Variants in COL12A1 observed in about 807,000 individuals in gnomAD.
COL12A1 encodes collagen alpha-1(XII) chain.
In COL12A1, 114 loss-of-function variants were observed where a neutral mutation model predicts 349.7. That is an observed-to-expected ratio of 0.33 (90% confidence interval 0.28 to 0.38). The LOEUF (loss-of-function observed/expected upper bound fraction) is 0.38, where lower values mean the gene tolerates loss of function less well. Ranked by LOEUF, COL12A1 falls within the 10% of genes least tolerant of loss-of-function variation. The pLI, the probability that COL12A1 is intolerant of heterozygous loss-of-function variation, is 1.00. For missense variants in COL12A1, 3,284 were observed against 3,756.9 expected (o/e 0.87, Z 3.29); for synonymous variants, 1,369 against 1,329.0 (o/e 1.03, Z -0.66).
chr6:75,165,228 T>A (rs1355483993), intron 14 of COL12A1, among the ~76,000 whole-genome samples: 1 of 152,092 alleles, frequency 6.6e-6, no homozygotes, highest in Admixed American at 6.5e-5. Context: ...GCTTCTGGTC[T>A]TTTTACTAGT....
At chr6:75,101,032 A>G (rs1358950392) in intron 58 of COL12A1, among the ~76,000 whole-genome samples, 1 of 152,152 alleles carries the variant, frequency 6.6e-6, no homozygotes, top group East Asian at 1.9e-4. Context: ...AACTTATCCT[A>G]GAGAAGACTG....
At chr6:75,148,728 T>A (rs1055217365) in intron 21 of COL12A1, among the ~76,000 whole-genome samples, 2 of 152,144 alleles carry the variant, frequency 1.3e-5, no homozygotes, top group African/African-American at 2.4e-5. Flanking sequence ...ATGAGCTCAT[T>A]GTCTTTCCTT....
chr6:75,172,368 A>T (rs1768681437), intron 13 of COL12A1, among the ~76,000 whole-genome samples: 1 of 152,186 alleles, frequency 6.6e-6, no homozygotes, highest in African/African-American at 2.4e-5. Flanking sequence ...TACTGAGCAT[A>T]AATATATTTT....
chr6:75,134,526 G>A (rs566347144), intron 32 of COL12A1, among the ~76,000 whole-genome samples, 200 bp downstream of exon 32: 8 of 151,918 alleles, frequency 5.3e-5, no homozygotes, highest in Admixed American at 1.3e-4. Flanking sequence ...AGCCAAGATC[G>A]TGCCACTGCA....
Position 75,183,030 on chromosome 6 carries a change from T to C in COL12A1, c.1891+20A>G. 1 of 1,558,456 alleles carries C rather than the reference T, an allele frequency of 6.4e-7. No homozygotes were observed. Among genetic ancestry groups the C allele is most frequent in the Non-Finnish European group, 8.6e-7 (1 of 1,156,652 alleles). On this transcript the variant is annotated intron_variant, in intron 10 of 65. Transcript: ENST00000322507. ...TCTTTGTTCATGAAGAAATAACTTT[T>C]ACTCTCAAAGTCTACTAACCTTTCT...
At chr6:75,110,656 G>C (rs1361453166) in intron 51 of COL12A1, among the ~76,000 whole-genome samples, 1 of 151,922 alleles carries the variant, frequency 6.6e-6, no homozygotes, top group East Asian at 1.9e-4. Context: ...TTCAACAATA[G>C]AAGGGAGACA....
chr6:75,142,846 T>G (rs918834178), intron 26 of COL12A1, among the ~76,000 whole-genome samples: 5 of 152,212 alleles, frequency 3.3e-5, no homozygotes, highest in African/African-American at 1.2e-4. Flanking sequence ...CCTTCTCTAG[T>G]GTCCTATCTT....
At chr6:75,169,181 G>A (rs1243118301) in intron 13 of COL12A1, among the ~76,000 whole-genome samples, 2 of 152,132 alleles carry the variant, frequency 1.3e-5, no homozygotes, top group Non-Finnish European at 2.9e-5. Flanking sequence ...CATTTACTTG[G>A]TTCAATACAT....
chr6:75,143,378 G>T lies in COL12A1; in HGVS notation c.4701C>A (p.Pro1567=), dbSNP rs17791238. 29 of 1,613,180 alleles carry T rather than the reference G, an allele frequency of 1.8e-5. No individual in the cohort carries two copies. In the African/African-American group the frequency reaches 3.1e-4, roughly 17 times the overall value. The part of the protein sequence containing the change: ...VTVREVTLPL[P]RPQDLKLRDV... ...CTCTGAGTTTCAGATCCTGAGGTCTGGGTAAAGGCACTAGAGAAGCACGAG... is the reference window on the plus strand; with the variant it reads ...CTCTGAGTTTCAGATCCTGAGGTCTTGGTAAAGGCACTAGAGAAGCACGAG... Residue 1567 remains proline, a synonymous_variant, in exon 26 of 66, where the codon CCC becomes CCA. Transcript: ENST00000322507.
intron 17 of COL12A1, among the ~76,000 whole-genome samples, 158 bp downstream of exon 17, chr6:75,154,258 G>C (rs1767639454): frequency 6.6e-6 from 1 of 151,924 alleles, no homozygotes; most frequent in Non-Finnish European, 1.5e-5. Flanking sequence ...TGCTTGACTG[G>C]ATGTTTGAAG....
chr6:75,102,376 A>G (rs1768345481), intron 56 of COL12A1, among the ~76,000 whole-genome samples: 1 of 152,176 alleles, frequency 6.6e-6, no homozygotes. Flanking sequence ...AATGTTTAAT[A>G]AAGTCAAATA....
In COL12A1 at chr6:75,132,026, C is replaced by T. The variant is rs771175230; in HGVS notation, c.5851G>A (p.Asp1951Asn). The T allele has an allele frequency of 2.0e-5, 32 of 1,614,030 alleles. No homozygotes were observed. In the South Asian group the frequency reaches 2.2e-4, roughly 11 times the overall value. ...CCTGGAGCAGGGTCCCAGCGAACAT[C>T]GAGGCTGTTAGGTGTAGGATTGTAT... ...QVYNPTPNSL[D>N]VRWDPAPGPV... Residue 1951 changes from aspartate to asparagine, a missense_variant, in exon 35 of 66, where the codon GAT becomes AAT. Asp to Asn is a conservative substitution (Grantham distance 23). This residue lies in a region of COL12A1 where 2,601 missense variants were observed against 2,824.8 expected (regional missense o/e 0.92). Coordinates refer to ENST00000322507, the MANE Select transcript of COL12A1 (RefSeq NM_004370.6).
intron 21 of COL12A1, among the ~76,000 whole-genome samples, chr6:75,149,657 G>A (rs988382452): frequency 5.9e-5 from 9 of 152,064 alleles, no homozygotes; most frequent in Non-Finnish European, 1.2e-4. Flanking sequence ...CATAAGCATG[G>A]CAAATCATTC....
rs1326006851 is a variant in COL12A1 at position 75,175,150 on chromosome 6, G to T, written c.2598C>A (p.Thr866=). The change falls in exon 13 of 66, where the codon ACC becomes ACA. Residue 866 remains threonine (T), a synonymous_variant. Coordinates refer to ENST00000322507, the MANE Select transcript of COL12A1 (RefSeq NM_004370.6). ...TQEVTVRGDT[T]NTVLQGLKEG... is the part of the protein sequence containing the mutation. Reference sequence around the variant, plus strand: ...CCTTCAATCCCTGCAGCACCGTATTGGTTGTATCTCCCCTCACAGTGACCT... The same window carrying T: ...CCTTCAATCCCTGCAGCACCGTATTTGTTGTATCTCCCCTCACAGTGACCT... 1 of 1,614,138 alleles carries T rather than the reference G, an allele frequency of 6.2e-7. No homozygotes were observed. Among genetic ancestry groups the T allele is most frequent in the East Asian group, 2.2e-5 (1 of 44,876 alleles).
chr6:75,126,724 C>G (rs1766035925), intron 38 of COL12A1, among the ~76,000 whole-genome samples: 2 of 152,102 alleles, frequency 1.3e-5, no homozygotes, highest in Non-Finnish European at 2.9e-5. Flanking sequence ...GAAGCAGTAT[C>G]CAGAGCGGAA....
rs1341256371 is a variant in COL12A1 at position 75,189,539 on chromosome 6, C to A, written c.658+13G>T. On this transcript the variant is annotated intron_variant, in intron 6 of 65. Transcript: ENST00000322507. The stretch of plus-strand genomic sequence containing the variant: ...CATTTATTTTTAACTTTAAAAAAAT[C>A]TGTAGAACATACCTGTCATTGTGTT... The A allele has an allele frequency of 4.4e-6, 7 of 1,604,546 alleles. No individual in the cohort carries two copies. In the South Asian group the frequency reaches 4.5e-5, roughly 10 times the overall value.
At chr6:75,101,825 T>C in intron 57 of COL12A1, 172 bp from the exon 58 acceptor site, 3 of 952,666 alleles carry the variant, frequency 3.1e-6, no homozygotes, top group South Asian at 1.6e-5. Context: ...AACAAGCAGA[T>C]ACCTGAATTG....
At chr6:75,198,295 T>G (rs1770335397) in intron 2 of COL12A1, among the ~76,000 whole-genome samples, 1 of 152,104 alleles carries the variant, frequency 6.6e-6, no homozygotes, top group African/African-American at 2.4e-5. Context: ...TATAAATCAC[T>G]CCCACATGCT....
intron 44 of COL12A1, among the ~76,000 whole-genome samples, chr6:75,120,793 A>G (rs1769318620): frequency 2.0e-5 from 3 of 152,336 alleles, no homozygotes; most frequent in Middle Eastern, 6.8e-3. Flanking sequence ...TCAGAGCAAG[A>G]TAATTGGTAG....
Sources: gnomAD v4.1 joint callset for allele counts (sites outside exome capture counted in the v4.1 genomes callset) on GRCh38, gnomAD v4.1.1 for gene constraint, gnomAD v4.1.1 regional missense constraint, MANE v1.5 for transcripts, NCBI Gene and HGNC (gene_info 2026-07-23, HGNC 2026-07-21) for gene names.